Variants in GPC6 observed in about 807,000 individuals in gnomAD.
GPC6 encodes glypican-6.
Under a neutral mutation model 55.2 loss-of-function variants are expected in GPC6, and 14 were observed. The ratio of observed to expected loss-of-function variants is 0.25; its 90% CI spans 0.17 to 0.40. The LOEUF (loss-of-function observed/expected upper bound fraction) is 0.40. Ranked by LOEUF, GPC6 falls within the 10% of genes least tolerant of loss-of-function variation. The probability of loss-of-function intolerance (pLI) is 1.00; values close to 1 mark genes in which losing one functional copy is unlikely to be tolerated. For missense variants in GPC6, 641 were observed against 708.5 expected, an observed-to-expected ratio of 0.90 and a Z score of 1.08; for synonymous variants, 278 against 259.6, an observed-to-expected ratio of 1.07 and a Z score of -0.68.
chr13:93,342,519 A>AT (rs776932842), intron 1 of GPC6, among the ~76,000 whole-genome samples: 1 of 152,164 alleles, frequency 6.6e-6, no homozygotes, highest in Non-Finnish European at 1.5e-5. Flanking sequence ...CCATGGTTCA[A>AT]TTACCTCCCA....
intron 2 of GPC6, among the ~76,000 whole-genome samples, chr13:93,805,057 A>G (rs1489676898): frequency 1.3e-5 from 2 of 152,216 alleles, no homozygotes; most frequent in African/African-American, 4.8e-5. Context: ...TTCTTTCTTT[A>G]ACAAAAAATT....
intron 2 of GPC6, among the ~76,000 whole-genome samples, chr13:93,767,701 T>C (rs936790302): frequency 6.6e-6 from 1 of 152,134 alleles, no homozygotes; most frequent in African/African-American, 2.4e-5. Flanking sequence ...TAAAAACCGA[T>C]TACCATCAAA....
intron 1 of GPC6, among the ~76,000 whole-genome samples, chr13:93,260,666 G>A (rs1025724756): frequency 4.6e-5 from 7 of 151,956 alleles, no homozygotes; most frequent in Non-Finnish European, 8.8e-5. Flanking sequence ...GAAAATCAAA[G>A]GCAAGATTTA....
At chr13:93,376,929 G>A (rs1272555056) in intron 1 of GPC6, among the ~76,000 whole-genome samples, 1 of 152,136 alleles carries the variant, frequency 6.6e-6, no homozygotes, top group East Asian at 1.9e-4. Flanking sequence ...CTGAAAATAT[G>A]TAAGCAATTT....
intron 6 of GPC6, among the ~76,000 whole-genome samples, chr13:94,346,147 G>C (rs534240613): frequency 8.5e-5 from 13 of 152,220 alleles, no homozygotes; most frequent in African/African-American, 2.9e-4. Context: ...CTTTATTCTG[G>C]TATGAGCCCA....
intron 3 of GPC6, among the ~76,000 whole-genome samples, chr13:93,841,051 C>T (rs992635599): frequency 2.0e-5 from 3 of 152,040 alleles, no homozygotes; most frequent in Admixed American, 6.6e-5. Context: ...TACACATGTA[C>T]GAGTGAGGAG....
At chr13:93,437,160 C>T (rs1877603837) in intron 1 of GPC6, among the ~76,000 whole-genome samples, 1 of 152,056 alleles carries the variant, frequency 6.6e-6, no homozygotes, top group Non-Finnish European at 1.5e-5. Flanking sequence ...TGTGACCGCT[C>T]CACCAACTGT....
intron 2 of GPC6, among the ~76,000 whole-genome samples, chr13:93,659,750 T>C (rs893047900): frequency 1.3e-5 from 2 of 152,048 alleles, no homozygotes; most frequent in African/African-American, 4.8e-5. Flanking sequence ...GACCATGGTC[T>C]CTAACCTGTG....
At position 94,000,808 on chromosome 13, in the gene GPC6, A is replaced by G. The variant is rs57110018; in HGVS notation, c.712-26921A>G. On this transcript the variant is annotated intron_variant, in intron 3 of 8. Coordinates refer to ENST00000377047, the MANE Select transcript of GPC6 (RefSeq NM_005708.5). ...AAAGGATCATTTGGCTGAGTCACAA[A>G]GAGTGTCTTCTGGTGTGGGACTCTA... Among the ~76,000 whole-genome samples the G allele has an allele frequency of 9.3e-3, 1,416 of 152,340 alleles. 26 individuals carry two copies. The highest frequency in any genetic ancestry group is 0.031 in the African/African-American group (1,288 of 41,590).
intron 2 of GPC6, among the ~76,000 whole-genome samples, chr13:93,654,502 A>T (rs928338231): frequency 2.0e-5 from 3 of 151,824 alleles, no homozygotes; most frequent in African/African-American, 7.3e-5. Context: ...TAATTTTTGT[A>T]TTTTTAGTAG....
intron 2 of GPC6, among the ~76,000 whole-genome samples, chr13:93,619,733 C>T (rs137913866): frequency 3.9e-4 from 59 of 152,064 alleles, no homozygotes; most frequent in African/African-American, 1.3e-3. Flanking sequence ...GGCATGAGCC[C>T]GGCCTAAATG....
intron 2 of GPC6, among the ~76,000 whole-genome samples, chr13:93,695,952 A>T (rs1882437785): frequency 6.6e-6 from 1 of 152,146 alleles, no homozygotes. Context: ...TATCATCCAG[A>T]TTTTATAAGA....
chr13:93,405,995 G>T (rs1876278001), intron 1 of GPC6, among the ~76,000 whole-genome samples: 1 of 151,796 alleles, frequency 6.6e-6, no homozygotes, highest in South Asian at 2.1e-4. Context: ...TTTATTGCCT[G>T]CAGTGTTAGC....
chr13:93,948,900 TTTTCCA>T (rs1879127870), intron 3 of GPC6, among the ~76,000 whole-genome samples: 1 of 152,176 alleles, frequency 6.6e-6, no homozygotes, highest in African/African-American at 2.4e-5. Context: ...ATAAAATTGT[TTTTCCA>T]TTAATCCCCC....
chr13:93,711,434 C>G (rs372748600), intron 2 of GPC6, among the ~76,000 whole-genome samples: 1 of 151,748 alleles, frequency 6.6e-6, no homozygotes, highest in Admixed American at 6.6e-5. Context: ...CCCTCCCTCA[C>G]AGGACACGTG....
At chr13:93,237,497 A>C (rs1876278262) in intron 1 of GPC6, among the ~76,000 whole-genome samples, 1 of 152,078 alleles carries the variant, frequency 6.6e-6, no homozygotes, top group African/African-American at 2.4e-5. Flanking sequence ...TAGTTTGCAA[A>C]TCTTTTCTTT....
chr13:94,024,821 A>G (rs1408972551), intron 3 of GPC6, among the ~76,000 whole-genome samples: 1 of 152,228 alleles, frequency 6.6e-6, no homozygotes, highest in Non-Finnish European at 1.5e-5. Flanking sequence ...TTAAAAAGCA[A>G]CAATTGAATG....
chr13:93,409,311 T>G (rs1184068215), intron 1 of GPC6, among the ~76,000 whole-genome samples: 1 of 152,118 alleles, frequency 6.6e-6, no homozygotes, highest in Admixed American at 6.6e-5. Context: ...CCACAGTGAT[T>G]TTTAAGTAAC....
chr13:93,601,348 A>C (rs1878007767), intron 2 of GPC6, among the ~76,000 whole-genome samples: 1 of 152,254 alleles, frequency 6.6e-6, no homozygotes, highest in South Asian at 2.1e-4. Flanking sequence ...AAGCCACTAC[A>C]TTCCAGCCTG....
Sources: gnomAD v4.1 joint callset for allele counts (sites outside exome capture counted in the v4.1 genomes callset) on GRCh38, gnomAD v4.1.1 for gene constraint, MANE v1.5 for transcripts, NCBI Gene and HGNC (gene_info 2026-07-23, HGNC 2026-07-21) for gene names.